Variants in DTNBP1 observed in about 807,000 individuals in gnomAD.
DTNBP1 encodes the protein dystrobrevin binding protein 1.
A neutral mutation model predicts 42.8 loss-of-function variants in DTNBP1; 35 were observed. The observed-to-expected ratio is 0.82, with a 90% CI of 0.63 to 1.09. The LOEUF is 1.09. DTNBP1 is among the 50% of genes least tolerant of loss of function. DTNBP1 has a pLI of 0.00. For synonymous variants in DTNBP1, 171 were observed against 162.2 expected, an observed-to-expected ratio of 1.05 and a Z score of -0.41; for missense variants, 457 against 424.2, an observed-to-expected ratio of 1.08 and a Z score of -0.68.
intron 6 of DTNBP1, among the ~76,000 whole-genome samples, chr6:15,605,905 G>T (rs1396165114): frequency 6.6e-6 from 1 of 152,142 alleles, no homozygotes; most frequent in South Asian, 2.1e-4. Flanking sequence ...TGTTTATCAA[G>T]GCAATGTCCG....
intron 3 of DTNBP1, among the ~76,000 whole-genome samples, chr6:15,639,014 G>A (rs976425981): frequency 5.9e-5 from 9 of 151,946 alleles, no homozygotes; most frequent in Non-Finnish European, 1.0e-4. Context: ...AGTACTCTTC[G>A]AAAGTACTGA....
intron 7 of DTNBP1, among the ~76,000 whole-genome samples, chr6:15,570,585 A>C (rs1027117107): frequency 6.6e-6 from 1 of 152,224 alleles, no homozygotes; most frequent in Non-Finnish European, 1.5e-5. Flanking sequence ...ATAAAACCCA[A>C]ACCCCACCTT....
intron 4 of DTNBP1, among the ~76,000 whole-genome samples, chr6:15,630,563 T>C (rs1227403116): frequency 6.6e-6 from 1 of 152,190 alleles, no homozygotes; most frequent in East Asian, 1.9e-4. Context: ...GTATTAACTA[T>C]TTATGGTATT....
At chr6:15,622,646 G>A (rs906679451) in intron 5 of DTNBP1, among the ~76,000 whole-genome samples, 1 of 152,134 alleles carries the variant, frequency 6.6e-6, no homozygotes, top group African/African-American at 2.4e-5. Flanking sequence ...TCACCATTTT[G>A]CTCGCTATAA....
intron 9 of DTNBP1, chr6:15,523,487 C>T (rs1046841736): frequency 2.4e-5 from 31 of 1,280,272 alleles, no homozygotes; most frequent in East Asian, 1.3e-4. Flanking sequence ...CTGTAATACG[C>T]GTGTAATAGA....
chr6:15,532,699 T>TA, intron 8 of DTNBP1, among the ~76,000 whole-genome samples: 1 of 127,226 alleles, frequency 7.9e-6, no homozygotes, highest in South Asian at 2.5e-4. Context: ...TTTGTAATCT[T>TA]TTTTTTTTTT....
At chr6:15,612,083 G>A (rs1013547793) in intron 6 of DTNBP1, among the ~76,000 whole-genome samples, 2 of 152,146 alleles carry the variant, frequency 1.3e-5, no homozygotes, top group Non-Finnish European at 2.9e-5. Context: ...AGAGTCAATC[G>A]ATGTAGCAAA....
At chr6:15,596,215 G>A (rs1776510497) in intron 6 of DTNBP1, among the ~76,000 whole-genome samples, 1 of 152,224 alleles carries the variant, frequency 6.6e-6, no homozygotes, top group African/African-American at 2.4e-5. Flanking sequence ...AACCGGGGCA[G>A]TTCTAGTCTG....
At chr6:15,639,536 A>G (rs927280594) in intron 3 of DTNBP1, among the ~76,000 whole-genome samples, 2 of 152,228 alleles carry the variant, frequency 1.3e-5, no homozygotes, top group African/African-American at 4.8e-5. Flanking sequence ...TAGAGTCCAC[A>G]TGTGATGAAA....
intron 5 of DTNBP1, 91 bp downstream of exon 5, chr6:15,627,252 T>C (rs372105794): frequency 2.2e-5 from 34 of 1,513,292 alleles, no homozygotes; most frequent in East Asian, 2.1e-4. Context: ...CAGAATTTCA[T>C]GTGTTCCTGA....
At chr6:15,556,791 C>G (rs1038675618) in intron 7 of DTNBP1, among the ~76,000 whole-genome samples, 10 of 152,222 alleles carry the variant, frequency 6.6e-5, no homozygotes, top group Middle Eastern at 6.8e-3. Context: ...TCTCTTGCAC[C>G]CTTTTTCCTT....
chr6:15,601,633 C>T lies in DTNBP1; in HGVS notation c.489-8552G>A, dbSNP rs561247438. On this transcript the variant is annotated intron_variant, in intron 6 of 9. Coordinates refer to ENST00000344537, the MANE Select transcript of DTNBP1 (RefSeq NM_032122.5). Reference sequence around the variant, plus strand: ...CCGAGGCAGATGGATCACCTGAGGTCGGGGGTTCAAGACCAGCCTGACCAA... The same window carrying T: ...CCGAGGCAGATGGATCACCTGAGGTTGGGGGTTCAAGACCAGCCTGACCAA... Among the ~76,000 whole-genome samples, 5 of 151,504 alleles carry T rather than the reference C, an allele frequency of 3.3e-5. No individual in the cohort carries two copies. The South Asian group carries it at 8.4e-4, about 25-fold the overall frequency.
chr6:15,585,767 T>C, intron 7 of DTNBP1: 1 of 1,534,790 alleles, frequency 6.5e-7, no homozygotes, highest in South Asian at 1.2e-5. Flanking sequence ...GACATGGATG[T>C]GAGACCTGAA....
At chr6:15,648,606 A>G (rs1760815405) in intron 3 of DTNBP1, among the ~76,000 whole-genome samples, 5 of 152,024 alleles carry the variant, frequency 3.3e-5, no homozygotes, top group African/African-American at 1.2e-4. Context: ...CTACCAATAA[A>G]TAATTCAAAA....
At chr6:15,659,750 C>T (rs1761494458) in intron 1 of DTNBP1, among the ~76,000 whole-genome samples, 1 of 152,008 alleles carries the variant, frequency 6.6e-6, no homozygotes, top group South Asian at 2.1e-4. Flanking sequence ...GACGGGGTTT[C>T]ACCACGTTGG....
intron 5 of DTNBP1, among the ~76,000 whole-genome samples, chr6:15,619,826 TTTAAG>T (rs1471723466): frequency 8.5e-5 from 13 of 152,238 alleles, no homozygotes; most frequent in South Asian, 4.1e-4. Flanking sequence ...AATTACATTC[TTTAAG>T]TTATTTTAAA....
At chr6:15,610,978 GGCTAT>G (rs1377093500) in intron 6 of DTNBP1, among the ~76,000 whole-genome samples, 2 of 152,218 alleles carry the variant, frequency 1.3e-5, no homozygotes, top group African/African-American at 4.8e-5. Flanking sequence ...TGATGAAGGT[GGCTAT>G]GCTAAACAGC....
chr6:15,528,409 G>A (rs559664303), intron 8 of DTNBP1, among the ~76,000 whole-genome samples: 68 of 152,172 alleles, frequency 4.5e-4, no homozygotes, highest in African/African-American at 1.4e-3. Flanking sequence ...CAACCAAAAT[G>A]GGTCTCCAGA....
intron 7 of DTNBP1, among the ~76,000 whole-genome samples, chr6:15,576,280 G>A (rs754642398): frequency 6.6e-6 from 1 of 151,698 alleles, no homozygotes; most frequent in Non-Finnish European, 1.5e-5. Context: ...CACCACGCCC[G>A]GCTAATTTTT....
Sources: gnomAD v4.1 joint callset for allele counts (sites outside exome capture counted in the v4.1 genomes callset) on GRCh38, gnomAD v4.1.1 for gene constraint, MANE v1.5 for transcripts, NCBI Gene and HGNC (gene_info 2026-07-23, HGNC 2026-07-21) for gene names.